The following SEC16B variants were observed in gnomAD, a reference collection of about 807,000 sequenced individuals.
SEC16B encodes SEC16 homolog B, endoplasmic reticulum export factor.
Under a neutral mutation model 141.8 loss-of-function variants are expected in SEC16B, and 115 were observed. The ratio of observed to expected loss-of-function variants is 0.81; its 90% CI spans 0.70 to 0.95. The LOEUF is 0.95. Among genes scored for constraint, SEC16B ranks in the 40% least tolerant of loss-of-function variants. The pLI is 0.00. For missense variants in SEC16B, 1,291 were observed against 1,312.3 expected (o/e 0.98, Z 0.25); for synonymous variants, 493 against 492.5 (o/e 1.00, Z -0.01).
At chr1:177,937,574 C>G (rs1650951190) in intron 18 of SEC16B, 61 bp from the exon 19 acceptor site, 1 of 1,352,516 alleles carries the variant, frequency 7.4e-7, no homozygotes, top group Non-Finnish European at 9.9e-7. Flanking sequence ...GCATACTGAT[C>G]ACACCAGAAA....
upstream of SEC16B, among the ~76,000 whole-genome samples, chr1:177,971,154 T>C (rs991081837): frequency 2.6e-5 from 4 of 152,010 alleles, no homozygotes; most frequent in South Asian, 2.1e-4. Context: ...CAATCTCAGC[T>C]CACTGCAACC....
chr1:177,929,956 T>G (rs1381029819), intron 25 of SEC16B, 27 bp from the exon 26 acceptor site: 6 of 1,610,318 alleles, frequency 3.7e-6, no homozygotes, highest in Admixed American at 3.3e-5. Flanking sequence ...AATATTACAC[T>G]GAGTACAGCC....
intron 15 of SEC16B, among the ~76,000 whole-genome samples, chr1:177,943,888 G>A (rs1188289649): frequency 6.6e-6 from 1 of 152,228 alleles, no homozygotes; most frequent in Non-Finnish European, 1.5e-5. Context: ...ATACTCGTAG[G>A]TGTGGCCCAG....
chr1:177,972,159 A>G (rs1388700802), upstream of SEC16B, among the ~76,000 whole-genome samples: 1 of 152,212 alleles, frequency 6.6e-6, no homozygotes, highest in Non-Finnish European at 1.5e-5. Context: ...CTCTAGAGTT[A>G]TTATGAAACT....
chr1:177,982,249 C>T (rs1322924998), intron 1 of SEC16B, among the ~76,000 whole-genome samples: 1 of 152,002 alleles, frequency 6.6e-6, no homozygotes, highest in African/African-American at 2.4e-5. Context: ...GGTGGGTAGT[C>T]GGTTGGTGTA....
At chr1:177,978,700 C>CAAATAAATAAAT (rs3040686) in intron 1 of SEC16B, among the ~76,000 whole-genome samples, 1,874 of 137,530 alleles carry the variant, frequency 0.014, 15 homozygotes, top group Middle Eastern at 0.026. Context: ...GACCCTGTCT[C>CAAATAAATAAAT]AAATAAATAA....
In SEC16B at chr1:177,964,538, A is replaced by G. The variant is rs149800130; in HGVS notation, c.534-259T>C. 2.0e-5 allele frequency among the ~76,000 whole-genome samples: 3 copies of G among 152,346 alleles called. No homozygotes were observed. The East Asian group carries it at 5.8e-4, about 29-fold the overall frequency. ...GAAGGGTTGGTCTCTACAGCCTGAC[A>G]TTCTGGAATGACTTACATCAGAGTG... On this transcript the variant is annotated intron_variant, in intron 4 of 25. Transcript: ENST00000308284.
At position 177,967,826 on chromosome 1, in the gene SEC16B, G is replaced by A. The variant is rs1177758825; in HGVS notation, c.156C>T (p.Asn52=). 3.1e-6 allele frequency: 5 copies of A among 1,613,914 alleles called. No individual in the cohort carries two copies. The highest frequency in any genetic ancestry group is 1.7e-5 in the Admixed American group (1 of 60,014). Residue 52 remains asparagine, a synonymous_variant, in exon 2 of 26, where the codon AAC becomes AAT. Transcript: ENST00000308284. ...NGERFHQWQD[N]RGSPQPQQEP... ...CCTGCTGTGGCTGGGGGCTCCCACG[G>A]TTGTCTTGCCATTGGTGAAACCTCT...
intron 5 of SEC16B, among the ~76,000 whole-genome samples, chr1:177,962,259 A>G (rs1268317541): frequency 1.3e-5 from 2 of 151,836 alleles, no homozygotes; most frequent in African/African-American, 2.4e-5. Context: ...TTTAGTAGAG[A>G]TGGGGTTTCA....
chr1:177,930,682 C>A (rs201562471), intron 24 of SEC16B, 39 bp from the exon 25 acceptor site: 3 of 1,469,198 alleles, frequency 2.0e-6, no homozygotes. Flanking sequence ...TCAGTGCCTG[C>A]CTCCCAGATT....
intron 17 of SEC16B, 23 bp downstream of exon 17, chr1:177,940,587 G>A (rs376363798): frequency 1.4e-4 from 212 of 1,568,198 alleles, no homozygotes; most frequent in Middle Eastern, 7.0e-4. Flanking sequence ...TCCCCCCAAC[G>A]CCCTGGCTCC....
At chr1:177,974,561 GT>G (rs1418179141), upstream of SEC16B, among the ~76,000 whole-genome samples, 1 of 152,056 alleles carries the variant, frequency 6.6e-6, no homozygotes, top group Non-Finnish European at 1.5e-5. Flanking sequence ...GTAAAAATGT[GT>G]TCTCTGGATC....
chr1:177,948,575 G>A (rs1651920010), intron 12 of SEC16B: 1 of 1,304,094 alleles, frequency 7.7e-7, no homozygotes, highest in Admixed American at 2.3e-5. Flanking sequence ...TAAGCAGCGT[G>A]GTGGAAATGT....
intron 15 of SEC16B, 78 bp from the exon 16 acceptor site, chr1:177,942,118 G>C: frequency 6.9e-7 from 1 of 1,442,650 alleles, no homozygotes; most frequent in South Asian, 1.4e-5. Flanking sequence ...AAGACTTCTT[G>C]GAAGTCAGCT....
At chr1:177,976,999 T>C (rs1654193177) in intron 1 of SEC16B, among the ~76,000 whole-genome samples, 2 of 152,230 alleles carry the variant, frequency 1.3e-5, no homozygotes, top group Admixed American at 1.3e-4. Flanking sequence ...TCAGGAACAA[T>C]GCAGGATGCC....
At position 177,964,213 on chromosome 1, in the gene SEC16B, C is replaced by T; in HGVS notation, c.600G>A (p.Glu200=). The T allele has an allele frequency of 6.2e-7, 1 of 1,613,674 alleles. No individual in the cohort carries two copies. Among genetic ancestry groups the T allele is most frequent in the African/African-American group, 1.3e-5 (1 of 75,030 alleles). ...CAGCAAGCAGGCTCCCTGGAAACAG[C>T]TCCCCCGGCCACTCCTGTCCAGAGT... The part of the protein sequence containing the change: ...ASNSGQEWPG[E]LFPGSLLAEA... The change falls in exon 5 of 26, where the codon GAG becomes GAA. Residue 200 remains glutamate, a synonymous_variant. Transcript: ENST00000308284.
At position 177,931,218 on chromosome 1, in the gene SEC16B, G is replaced by A. The variant is rs573116053; in HGVS notation, c.3013-575C>T. On this transcript the variant is annotated intron_variant, in intron 24 of 25. Transcript: ENST00000308284. ...AGTACATAAAGAAAATGCGGTATAC[G>A]TATACGATGGAATACACTCAGCCAT... Among the ~76,000 whole-genome samples, 12 of 152,278 alleles carry A rather than the reference G, an allele frequency of 7.9e-5. No individual in the cohort carries two copies. In the South Asian group the frequency reaches 1.9e-3, roughly 24 times the overall value.
chr1:177,962,872 C>T (rs1374821756), intron 5 of SEC16B, among the ~76,000 whole-genome samples: 3 of 151,982 alleles, frequency 2.0e-5, no homozygotes, highest in Non-Finnish European at 2.9e-5. Flanking sequence ...TTTGGGAGGC[C>T]GACGCAGGAG....
Position 177,954,269 on chromosome 1 carries a change from C to T in SEC16B, c.1463+10G>A, listed in dbSNP as rs768324283. 1 of 1,556,970 alleles carries T rather than the reference C, an allele frequency of 6.4e-7. No homozygotes were observed. Among genetic ancestry groups the T allele is most frequent in the African/African-American group, 1.4e-5 (1 of 73,378 alleles). ...GCCCCACTGGCCTCTTTTGTTAAGT[C>T]CTGACTCACCCACTCATGACCCAGC... On this transcript the variant is annotated intron_variant, in intron 11 of 25. Coordinates refer to ENST00000308284, the MANE Select transcript of SEC16B (RefSeq NM_033127.4).
Sources: allele counts gnomAD v4.1 joint callset (sites outside exome capture counted in the v4.1 genomes callset), GRCh38; gene constraint gnomAD v4.1.1; transcripts MANE v1.5; gene names NCBI Gene and HGNC (gene_info 2026-07-23, HGNC 2026-07-21).